Variants in USP54 observed in about 807,000 individuals in gnomAD.
USP54 encodes the protein ubiquitin specific peptidase 54, also known as ubiquitin carboxyl-terminal hydrolase 54.
A neutral mutation model predicts 170.5 loss-of-function variants in USP54; 87 were observed. The observed-to-expected ratio is 0.51, with a 90% CI of 0.43 to 0.61. The LOEUF is 0.61. USP54 is among the 20% of genes least tolerant of loss of function. USP54 has a pLI of 0.00. For missense variants in USP54, 1,786 were observed against 2,047.8 expected (o/e 0.87, Z 2.47); for synonymous variants, 655 against 742.8 (o/e 0.88, Z 1.92).
intron 1 of USP54, among the ~76,000 whole-genome samples, chr10:73,587,089 T>C (rs1273015713): frequency 6.6e-6 from 1 of 152,208 alleles, no homozygotes; most frequent in Non-Finnish European, 1.5e-5. Flanking sequence ...GCAGGCTACT[T>C]AGCCCTTCCT....
chr10:73,551,991 C>G (rs1354497832), intron 4 of USP54, among the ~76,000 whole-genome samples: 1 of 152,116 alleles, frequency 6.6e-6, no homozygotes, highest in East Asian at 1.9e-4. Flanking sequence ...AAAATAGTCA[C>G]TCTAATCACT....
At chr10:73,598,211 T>C (rs985591036) in intron 1 of USP54, among the ~76,000 whole-genome samples, 1 of 152,212 alleles carries the variant, frequency 6.6e-6, no homozygotes, top group African/African-American at 2.4e-5. Flanking sequence ...TCTTGCAACA[T>C]ATCCTTCATG....
intron 1 of USP54, among the ~76,000 whole-genome samples, chr10:73,580,049 T>C (rs1412573231): frequency 6.6e-6 from 1 of 151,834 alleles, no homozygotes; most frequent in Non-Finnish European, 1.5e-5. Context: ...ACAGGCCAGG[T>C]GCAGTAGTTC....
At chr10:73,522,909 G>A (rs977100973) in intron 17 of USP54, among the ~76,000 whole-genome samples, 1 of 152,108 alleles carries the variant, frequency 6.6e-6, no homozygotes, top group Admixed American at 6.6e-5. Context: ...TGTAAGTGGG[G>A]TTTCCGAATT....
intron 1 of USP54, among the ~76,000 whole-genome samples, chr10:73,609,471 G>A (rs2079948470): frequency 6.6e-6 from 1 of 152,184 alleles, no homozygotes; most frequent in African/African-American, 2.4e-5. Flanking sequence ...CAGCACTTTG[G>A]GAGGCCGAGG....
intron 1 of USP54, among the ~76,000 whole-genome samples, chr10:73,605,529 AAAAT>A (rs1794885066): frequency 1.3e-5 from 2 of 152,122 alleles, no homozygotes; most frequent in Admixed American, 1.3e-4. Flanking sequence ...TCTGTCTCAA[AAAAT>A]AAATAAAGAG....
chr10:73,526,859 A>C, intron 15 of USP54, 79 bp from the exon 16 acceptor site: 5 of 665,658 alleles, frequency 7.5e-6, no homozygotes, highest in East Asian at 5.5e-5. Flanking sequence ...TCTCTCTCTC[A>C]AAAAAAAAAA....
rs375509644 is a variant in USP54 at position 73,504,923 on chromosome 10, C to T, written c.4238G>A (p.Arg1413His). 2.7e-5 allele frequency: 44 copies of T among 1,614,026 alleles called. No homozygotes were observed. In the Middle Eastern group the frequency reaches 4.9e-4, roughly 18 times the overall value. The change falls in exon 22 of 24, where the codon CGT becomes CAT. Residue 1413 changes from arginine (R) to histidine (H), a missense_variant. This residue lies in a region of USP54 where 1,418 missense variants were observed against 1,569.0 expected (regional missense o/e 0.90). Transcript: ENST00000687698. ...GCCACTGAGACTGCGTGAGATGCGA[C>T]GTAAATTCTCTGCACTGTACTGCTC... ...EDEQYSAENLRRISRSLSGTV... is the reference protein window; with the variant it reads ...EDEQYSAENLHRISRSLSGTV...
chr10:73,545,929 G>T (rs1018885137), intron 4 of USP54, among the ~76,000 whole-genome samples: 1 of 152,188 alleles, frequency 6.6e-6, no homozygotes, highest in Non-Finnish European at 1.5e-5. Flanking sequence ...CCACTGTCAT[G>T]AATTAATGTA....
At position 73,618,304 on chromosome 10, in the gene USP54, T is replaced by A. The variant is rs73272384; in HGVS notation, c.-18+7263A>T. On this transcript the variant is annotated intron_variant, in intron 1 of 22. Transcript: ENST00000339859. Reference sequence around the variant, plus strand: ...CTCTCACTCTGACGTGTAGTCAGACTGAGGCTGGAGTGTAGTGGCATGATT... The same window carrying A: ...CTCTCACTCTGACGTGTAGTCAGACAGAGGCTGGAGTGTAGTGGCATGATT... Among the ~76,000 whole-genome samples the A allele has an allele frequency of 5.3e-3, 804 of 150,636 alleles. 74 individuals carry two copies. The highest frequency in any genetic ancestry group is 0.031 in the Middle Eastern group (9 of 294).
chr10:73,520,187 C>T (rs2061681685), intron 18 of USP54, 195 bp from the exon 19 acceptor site: 2 of 717,396 alleles, frequency 2.8e-6, no homozygotes, highest in Non-Finnish European at 4.4e-6. Context: ...TGATGGAAGC[C>T]ATGGAGGCCA....
At chr10:73,500,177 G>A (rs2057789298) in intron 23 of USP54, among the ~76,000 whole-genome samples, 1 of 152,140 alleles carries the variant, frequency 6.6e-6, no homozygotes, top group South Asian at 2.1e-4. Context: ...CCCCACAATT[G>A]TCTGGGTCTG....
At chr10:73,611,846 C>T (rs897545693) in intron 1 of USP54, among the ~76,000 whole-genome samples, 1 of 151,796 alleles carries the variant, frequency 6.6e-6, no homozygotes, top group East Asian at 1.9e-4. Context: ...CAGTGGCTCA[C>T]ACCTGTAAAT....
At chr10:73,513,042 AG>A (rs2060462592) in intron 20 of USP54, among the ~76,000 whole-genome samples, 1 of 152,088 alleles carries the variant, frequency 6.6e-6, no homozygotes, top group South Asian at 2.1e-4. Flanking sequence ...AAAAAAAAAA[AG>A]TTTATAACAT....
intron 4 of USP54, among the ~76,000 whole-genome samples, chr10:73,568,312 T>C (rs1007940511): frequency 6.6e-6 from 1 of 152,202 alleles, no homozygotes; most frequent in African/African-American, 2.4e-5. Flanking sequence ...ATGTTTATCA[T>C]CCTTTCCCTT....
chr10:73,558,478 C>G (rs1393500703), intron 4 of USP54, among the ~76,000 whole-genome samples: 1 of 152,026 alleles, frequency 6.6e-6, no homozygotes, highest in Non-Finnish European at 1.5e-5. Flanking sequence ...TTATAGTATA[C>G]AATACTATAC....
chr10:73,519,568 G>A, intron 19 of USP54: 1 of 597,480 alleles, frequency 1.7e-6, no homozygotes, highest in Non-Finnish European at 2.8e-6. Flanking sequence ...TGGGAAATGT[G>A]GACAAATGGT....
chr10:73,554,213 A>C (rs1381161410), intron 4 of USP54, among the ~76,000 whole-genome samples: 1 of 152,288 alleles, frequency 6.6e-6, no homozygotes, highest in African/African-American at 2.4e-5. Flanking sequence ...TTTTGAGCTC[A>C]AGGTCTTTGG....
At chr10:73,620,223 G>T (rs2080975331) in intron 1 of USP54, among the ~76,000 whole-genome samples, 1 of 149,436 alleles carries the variant, frequency 6.7e-6, no homozygotes, top group Non-Finnish European at 1.5e-5. Flanking sequence ...TGAGACAGGA[G>T]AATTGCTTGA....
Sources: allele counts gnomAD v4.1 joint callset (sites outside exome capture counted in the v4.1 genomes callset), GRCh38; gene constraint gnomAD v4.1.1; regional missense constraint gnomAD v4.1.1; transcripts MANE v1.5; gene names NCBI Gene and HGNC (gene_info 2026-07-23, HGNC 2026-07-21).